DNAH11: variants seen among roughly 807,000 people sequenced by gnomAD.
DNAH11 encodes dynein axonemal heavy chain 11, also known as axonemal beta dynein heavy chain 11.
Under a neutral mutation model 526.0 loss-of-function variants are expected in DNAH11, and 442 were observed. The ratio of observed to expected loss-of-function variants is 0.84; its 90% CI spans 0.78 to 0.91. DNAH11 has a LOEUF of 0.91. DNAH11 is among the 40% of genes least tolerant of loss of function. DNAH11 has a pLI of 0.00. For missense variants in DNAH11, 6,989 were observed against 5,448.7 expected (o/e 1.28, Z -8.90); for synonymous variants, 2,461 against 1,935.9 (o/e 1.27, Z -7.12).
At chr7:21,810,359 G>A (rs1789463208) in intron 63 of DNAH11, among the ~76,000 whole-genome samples, 1 of 152,118 alleles carries the variant, frequency 6.6e-6, no homozygotes, top group African/African-American at 2.4e-5. Context: ...GATTAAAACA[G>A]ATTCTTAGTT....
chr7:21,636,074 T>A lies in DNAH11; in HGVS notation c.4704T>A (p.Asp1568Glu). ...IQLVKDARRF[D>E]GVDAEFKELM... ...TTGTGAAAGATGCTAGAAGATTTGA[T>A]GGGGTGGATGCTGAATTTAAGGTTT... is the stretch of plus-strand genomic sequence containing the variant. The change falls in exon 26 of 82, where the codon GAT becomes GAA. Residue 1568 changes from aspartate (D) to glutamate (E), a missense_variant. Physicochemically the swap from Asp to Glu is conservative, Grantham distance 45 (BLOSUM62 2). Coordinates refer to ENST00000409508, the MANE Select transcript of DNAH11 (RefSeq NM_001277115.2). The A allele has an allele frequency of 6.2e-7, 1 of 1,612,488 alleles. No homozygotes were observed. Among genetic ancestry groups the A allele is most frequent in the Non-Finnish European group, 8.5e-7 (1 of 1,179,060 alleles).
chr7:21,656,896 T>A (rs1163081085), intron 29 of DNAH11, among the ~76,000 whole-genome samples: 2 of 152,084 alleles, frequency 1.3e-5, no homozygotes, highest in Admixed American at 1.3e-4. Flanking sequence ...CTTTTTAGGA[T>A]GATATTATAA....
At chr7:21,733,041 A>C (rs898743538) in intron 45 of DNAH11, among the ~76,000 whole-genome samples, 1 of 151,738 alleles carries the variant, frequency 6.6e-6, no homozygotes, top group Admixed American at 6.6e-5. Flanking sequence ...GCACGTGGCT[A>C]TGTGGGGGAG....
At chr7:21,577,420 C>T (rs1046249477) in intron 8 of DNAH11, among the ~76,000 whole-genome samples, 1 of 152,134 alleles carries the variant, frequency 6.6e-6, no homozygotes, top group Non-Finnish European at 1.5e-5. Context: ...ATTTTCATCC[C>T]TGCTGGCCAG....
chr7:21,644,389 A>G (rs1178625333), intron 28 of DNAH11, among the ~76,000 whole-genome samples: 4 of 152,210 alleles, frequency 2.6e-5, no homozygotes, highest in Non-Finnish European at 4.4e-5. Flanking sequence ...ACCTTCACTG[A>G]CAGGAGGATA....
intron 45 of DNAH11, among the ~76,000 whole-genome samples, chr7:21,735,243 T>G (rs182125475): frequency 1.1e-4 from 17 of 152,344 alleles, no homozygotes; most frequent in African/African-American, 3.8e-4. Context: ...TCTTGAACAT[T>G]TTCTCATCTC....
intron 55 of DNAH11, among the ~76,000 whole-genome samples, chr7:21,773,029 C>T (rs1024553437): frequency 2.0e-5 from 3 of 152,106 alleles, no homozygotes; most frequent in Non-Finnish European, 4.4e-5. Flanking sequence ...TTGTAGGCTT[C>T]CCTTGATTAA....
chr7:21,620,946 G>T (rs1452346338), intron 25 of DNAH11, among the ~76,000 whole-genome samples: 4 of 152,050 alleles, frequency 2.6e-5, no homozygotes, highest in South Asian at 2.1e-4. Flanking sequence ...TGCCACATTT[G>T]CTTAATCCAG....
chr7:21,874,375 G>T (rs529216184), intron 74 of DNAH11, among the ~76,000 whole-genome samples: 1 of 150,456 alleles, frequency 6.6e-6, no homozygotes, highest in Admixed American at 6.6e-5. Flanking sequence ...TGCTCTTGTC[G>T]CCCAGGCTGG....
chr7:21,741,433 C>G (rs114132449), intron 48 of DNAH11, among the ~76,000 whole-genome samples: 1 of 152,170 alleles, frequency 6.6e-6, no homozygotes, highest in Non-Finnish European at 1.5e-5. Flanking sequence ...TTTGTGTTTG[C>G]GTAGAAGCTT....
At chr7:21,765,356 T>G (rs1787128430) in intron 54 of DNAH11, 72 bp from the exon 55 acceptor site, 1 of 1,601,848 alleles carries the variant, frequency 6.2e-7, no homozygotes, top group Non-Finnish European at 8.5e-7. Context: ...TCTCTCATTG[T>G]CTAAGATTGC....
In DNAH11 at chr7:21,620,090, A is replaced by T; in HGVS notation, c.4500+12A>T. The T allele has an allele frequency of 6.4e-7, 1 of 1,555,768 alleles. No individual in the cohort carries two copies. On this transcript the variant is annotated intron_variant, in intron 25 of 81. Transcript: ENST00000409508. ...TAGAGCACAACCAAGTAAGATGGAT[A>T]TTTTTATTGCATATATTTTTCATTT...
At chr7:21,843,364 T>C (rs949564284) in intron 66 of DNAH11, among the ~76,000 whole-genome samples, 3 of 152,120 alleles carry the variant, frequency 2.0e-5, no homozygotes, top group African/African-American at 4.8e-5. Context: ...ATATAGTAGA[T>C]ATACTTCCAT....
intron 7 of DNAH11, among the ~76,000 whole-genome samples, chr7:21,571,213 A>G (rs1014080999): frequency 6.6e-6 from 1 of 152,156 alleles, no homozygotes; most frequent in Non-Finnish European, 1.5e-5. Context: ...GTTTAGGAAG[A>G]TATAAAATTG....
chr7:21,668,514 T>C (rs1349840915), intron 30 of DNAH11, among the ~76,000 whole-genome samples: 1 of 152,196 alleles, frequency 6.6e-6, no homozygotes, highest in East Asian at 1.9e-4. Context: ...GGTATTGCTG[T>C]AATAAACTGT....
intron 48 of DNAH11, among the ~76,000 whole-genome samples, chr7:21,740,624 T>C (rs963690206): frequency 1.3e-5 from 2 of 152,218 alleles, no homozygotes; most frequent in Non-Finnish European, 2.9e-5. Context: ...TATTCATTCG[T>C]TGATGGACAC....
At chr7:21,623,543 T>C (rs868411949) in intron 25 of DNAH11, among the ~76,000 whole-genome samples, 21 of 152,224 alleles carry the variant, frequency 1.4e-4, no homozygotes, top group East Asian at 1.9e-4. Flanking sequence ...CTATTCACAA[T>C]AGCAAAGACT....
At chr7:21,874,880 A>G (rs1349423968) in intron 74 of DNAH11, among the ~76,000 whole-genome samples, 1 of 152,188 alleles carries the variant, frequency 6.6e-6, no homozygotes, top group Non-Finnish European at 1.5e-5. Flanking sequence ...GGACAGTAGA[A>G]TGAACCCTAA....
chr7:21,835,238 AAAAC>A (rs1208357901), intron 65 of DNAH11, among the ~76,000 whole-genome samples: 1 of 147,522 alleles, frequency 6.8e-6, no homozygotes, highest in Admixed American at 6.6e-5. Context: ...AAAAAAAAAA[AAAAC>A]AGAGGGAGTT....
Sources: gnomAD v4.1 joint callset for allele counts (sites outside exome capture counted in the v4.1 genomes callset) on GRCh38, gnomAD v4.1.1 for gene constraint, MANE v1.5 for transcripts, NCBI Gene and HGNC (gene_info 2026-07-23, HGNC 2026-07-21) for gene names.